Variants in CNTN5 observed in about 807,000 individuals in gnomAD.
CNTN5 encodes the protein contactin 5.
A neutral mutation model predicts 129.1 loss-of-function variants in CNTN5; 77 were observed. The observed-to-expected ratio is 0.60, with a 90% CI of 0.50 to 0.72. The LOEUF (loss-of-function observed/expected upper bound fraction) is 0.72. Ranked by LOEUF, CNTN5 falls within the 30% of genes least tolerant of loss-of-function variation. The pLI is 0.00. For missense variants in CNTN5, 1,478 were observed against 1,328.8 expected, an observed-to-expected ratio of 1.11 and a Z score of -1.75; for synonymous variants, 509 against 465.6, an observed-to-expected ratio of 1.09 and a Z score of -1.20.
rs183526653 is a variant in CNTN5, at chr11:99,298,035, A to T, written c.-209-27311A>T. Among the ~76,000 whole-genome samples the T allele has an allele frequency of 2.0e-5, 3 of 152,220 alleles. No homozygotes were observed. The East Asian group carries it at 5.8e-4, about 29-fold the overall frequency. ...AAAACACAAATCCGTGGAGCTCAGA[A>T]ATCTGAGAGGGAGCTTATCCATGAT... On this transcript the variant is annotated intron_variant, in intron 1 of 24. Coordinates refer to ENST00000524871, the MANE Select transcript of CNTN5 (RefSeq NM_014361.4).
At chr11:100,179,473 A>G (rs540920105) in intron 13 of CNTN5, among the ~76,000 whole-genome samples, 1 of 152,236 alleles carries the variant, frequency 6.6e-6, no homozygotes, top group African/African-American at 2.4e-5. Context: ...ATAGTATAAA[A>G]CCATTAGGTT....
At chr11:99,778,683 A>G (rs1159715459) in intron 3 of CNTN5, among the ~76,000 whole-genome samples, 1 of 151,824 alleles carries the variant, frequency 6.6e-6, no homozygotes, top group African/African-American at 2.4e-5. Context: ...TTTATTATGC[A>G]TCCTAAGATC....
chr11:100,215,101 A>C (rs1281395633), intron 15 of CNTN5, among the ~76,000 whole-genome samples: 2 of 152,214 alleles, frequency 1.3e-5, no homozygotes, highest in Non-Finnish European at 2.9e-5. Flanking sequence ...AGAATGGTTA[A>C]AATAACTGGA....
At position 99,783,714 on chromosome 11, in the gene CNTN5, G is replaced by A. The variant is rs529320090; in HGVS notation, c.56-35830G>A. ...AAATCATCATTCTCAGTAAACTACC[G>A]CAAGAACAAAAACCCAAACACCGCA... On this transcript the variant is annotated intron_variant, in intron 3 of 24. Coordinates refer to ENST00000524871, the MANE Select transcript of CNTN5 (RefSeq NM_014361.4). Among the ~76,000 whole-genome samples, 280 of 146,640 alleles carry A rather than the reference G, an allele frequency of 1.9e-3. 1 individual carries two copies. The highest frequency in any genetic ancestry group is 2.8e-3 in the African/African-American group (111 of 39,628).
At chr11:99,150,328 A>C (rs1479000129) in intron 1 of CNTN5, among the ~76,000 whole-genome samples, 3 of 152,038 alleles carry the variant, frequency 2.0e-5, no homozygotes, top group African/African-American at 7.2e-5. Flanking sequence ...TAGGCTTTTT[A>C]ACATATCAAA....
intron 2 of CNTN5, among the ~76,000 whole-genome samples, chr11:99,470,707 A>G (rs183838622): frequency 9.2e-5 from 14 of 152,318 alleles, no homozygotes; most frequent in Non-Finnish European, 1.5e-4. Flanking sequence ...AAATGTTCCA[A>G]TTATGAACAT....
chr11:100,231,055 T>C (rs1305575022), intron 16 of CNTN5, among the ~76,000 whole-genome samples: 2 of 152,174 alleles, frequency 1.3e-5, no homozygotes, highest in African/African-American at 4.8e-5. Context: ...ATTCACTATT[T>C]AGTGAGTGCT....
intron 3 of CNTN5, among the ~76,000 whole-genome samples, chr11:99,599,675 C>G (rs1353049256): frequency 6.6e-6 from 1 of 152,088 alleles, no homozygotes. Context: ...AGACCAAATT[C>G]TTTGTGCAAA....
intron 2 of CNTN5, among the ~76,000 whole-genome samples, chr11:99,338,992 T>TATATAC (rs57727996): frequency 6.6e-5 from 9 of 136,468 alleles, no homozygotes; most frequent in South Asian, 2.2e-4. Context: ...TATATATATA[T>TATATAC]ATAGTGTCCA....
intron 3 of CNTN5, among the ~76,000 whole-genome samples, chr11:99,621,425 A>G (rs1028721402): frequency 6.6e-6 from 1 of 152,202 alleles, no homozygotes; most frequent in African/African-American, 2.4e-5. Context: ...ATATTTTTTC[A>G]TATTTAAAGT....
intron 3 of CNTN5, among the ~76,000 whole-genome samples, chr11:99,795,765 G>A (rs573417983): frequency 2.6e-4 from 40 of 152,100 alleles, no homozygotes; most frequent in Non-Finnish European, 4.6e-4. Flanking sequence ...TCTCAGACTC[G>A]GCTCAGGACT....
intron 2 of CNTN5, among the ~76,000 whole-genome samples, chr11:99,520,971 A>G (rs1471425216): frequency 1.3e-5 from 2 of 152,140 alleles, no homozygotes; most frequent in African/African-American, 4.8e-5. Context: ...ATTGCATAGT[A>G]ATATGCGGTT....
At chr11:99,185,389 G>A (rs1230164079) in intron 1 of CNTN5, among the ~76,000 whole-genome samples, 1 of 151,746 alleles carries the variant, frequency 6.6e-6, no homozygotes, top group Non-Finnish European at 1.5e-5. Context: ...AGGTTAAGAA[G>A]TAATCTCGAT....
At chr11:99,295,846 G>A (rs1379750257) in intron 1 of CNTN5, among the ~76,000 whole-genome samples, 5 of 138,928 alleles carry the variant, frequency 3.6e-5, no homozygotes, top group South Asian at 4.5e-4. Flanking sequence ...ACTGCAGTCC[G>A]CAGTCTGGCC....
chr11:99,031,823 A>T (rs1393669916), intron 1 of CNTN5, among the ~76,000 whole-genome samples: 2 of 151,232 alleles, frequency 1.3e-5, no homozygotes, highest in African/African-American at 4.9e-5. Flanking sequence ...TGTGCAGGTT[A>T]GTTACATATG....
intron 4 of CNTN5, among the ~76,000 whole-genome samples, chr11:99,838,123 T>G (rs1257681750): frequency 2.0e-5 from 3 of 152,136 alleles, no homozygotes; most frequent in Admixed American, 6.6e-5. Context: ...TGTCCTCATC[T>G]AGGATACAAA....
intron 1 of CNTN5, among the ~76,000 whole-genome samples, chr11:99,302,994 C>T (rs1254568514): frequency 1.3e-5 from 2 of 151,416 alleles, no homozygotes; most frequent in East Asian, 1.9e-4. Flanking sequence ...TGTACATATA[C>T]CTGCAATCTA....
At chr11:99,851,444 G>T (rs1213322693) in intron 6 of CNTN5, among the ~76,000 whole-genome samples, 5 of 152,122 alleles carry the variant, frequency 3.3e-5, no homozygotes, top group Non-Finnish European at 7.4e-5. Context: ...TTTCTCTTCA[G>T]TGACAAGCAA....
chr11:99,337,147 A>T (rs1866264203), intron 2 of CNTN5, among the ~76,000 whole-genome samples: 1 of 152,188 alleles, frequency 6.6e-6, no homozygotes, highest in Non-Finnish European at 1.5e-5. Context: ...GTGTATGTGA[A>T]ATGAAGATAA....
Sources: allele counts gnomAD v4.1 joint callset (sites outside exome capture counted in the v4.1 genomes callset), GRCh38; gene constraint gnomAD v4.1.1; transcripts MANE v1.5; gene names NCBI Gene and HGNC (gene_info 2026-07-23, HGNC 2026-07-21).